CSTPP1: variants seen among roughly 807,000 people sequenced by gnomAD.
The protein encoded by CSTPP1 is centriolar satellite-associated tubulin polyglutamylase complex regulator 1.
chr11:47,009,029 T>TAAA, the CSTPP1 span, among the ~76,000 whole-genome samples: 1 of 136,378 alleles, frequency 7.3e-6, no homozygotes, highest in East Asian at 2.1e-4. Context: ...AGACTCCATC[T>TAAA]AAAAAAAAAA....
the CSTPP1 span, among the ~76,000 whole-genome samples, chr11:46,949,121 G>A: frequency 6.6e-6 from 1 of 151,764 alleles, no homozygotes; most frequent in East Asian, 1.9e-4. Flanking sequence ...AAGGTATTTT[G>A]TAAATAGAAA....
the CSTPP1 span, among the ~76,000 whole-genome samples, chr11:47,145,856 G>A: frequency 7.9e-5 from 12 of 151,980 alleles, no homozygotes; most frequent in African/African-American, 2.4e-4. Flanking sequence ...GGCTGGTCTC[G>A]AACTCCTGGC....
the CSTPP1 span, among the ~76,000 whole-genome samples, chr11:47,037,684 A>G: frequency 1.6e-5 from 2 of 123,682 alleles, 1 homozygote. Flanking sequence ...CACATGTTTC[A>G]GAGAGCACAG....
chr11:47,143,933 C>T, the CSTPP1 span, among the ~76,000 whole-genome samples: 1 of 152,146 alleles, frequency 6.6e-6, no homozygotes, highest in African/African-American at 2.4e-5. Context: ...TTGTCATAAT[C>T]GTTAGAAATG....
the CSTPP1 span, among the ~76,000 whole-genome samples, chr11:47,153,586 T>C: frequency 6.6e-6 from 1 of 152,208 alleles, no homozygotes; most frequent in Non-Finnish European, 1.5e-5. Context: ...AGCCTCAGAC[T>C]CTTCACGTGT....
the CSTPP1 span, among the ~76,000 whole-genome samples, chr11:47,122,069 C>CAAAAAAAAAAAAAAAAAAAAA: frequency 4.5e-5 from 1 of 21,986 alleles, no homozygotes; most frequent in Non-Finnish European, 7.8e-5. Context: ...GACCCTGTCT[C>CAAAAAAAAAAAAAAAAAAAAA]AAAAAAAAAA....
At chr11:47,000,538 G>A in the CSTPP1 span, among the ~76,000 whole-genome samples, 1 of 152,282 alleles carries the variant, frequency 6.6e-6, no homozygotes, top group South Asian at 2.1e-4. Flanking sequence ...GTTTTTTGGT[G>A]AAGTTTTTAT....
the CSTPP1 span, among the ~76,000 whole-genome samples, chr11:47,010,305 G>A: frequency 6.6e-6 from 1 of 152,166 alleles, no homozygotes. Context: ...TCAAAAGAGT[G>A]GGACCAGCTT....
chr11:47,089,029 C>G, the CSTPP1 span, among the ~76,000 whole-genome samples: 9 of 152,018 alleles, frequency 5.9e-5, no homozygotes, highest in Admixed American at 4.6e-4. Flanking sequence ...AATAATGTAT[C>G]AACTTGTCTT....
chr11:46,953,372 T>C, the CSTPP1 span, among the ~76,000 whole-genome samples: 5 of 151,940 alleles, frequency 3.3e-5, no homozygotes, highest in East Asian at 3.9e-4. Context: ...GTTTTTAGGC[T>C]GAAGGGAAAG....
the CSTPP1 span, among the ~76,000 whole-genome samples, chr11:47,016,423 G>A: frequency 7.2e-6 from 1 of 139,480 alleles, no homozygotes; most frequent in Non-Finnish European, 1.6e-5. Flanking sequence ...AAAAAAAAAC[G>A]CTACTAGAAC....
the CSTPP1 span, among the ~76,000 whole-genome samples, chr11:47,153,949 G>GT: frequency 1.2e-3 from 181 of 148,436 alleles, no homozygotes; most frequent in Non-Finnish European, 1.6e-3. Context: ...AACTTTTTTT[G>GT]TTTTTTTTTT....
the CSTPP1 span, among the ~76,000 whole-genome samples, chr11:47,153,789 T>C: frequency 6.6e-6 from 1 of 152,012 alleles, no homozygotes; most frequent in East Asian, 1.9e-4. Flanking sequence ...GCAAAGGGAG[T>C]GGCACCACAA....
At chr11:47,009,902 T>G in the CSTPP1 span, among the ~76,000 whole-genome samples, 3 of 152,156 alleles carry the variant, frequency 2.0e-5, no homozygotes, top group Non-Finnish European at 4.4e-5. Flanking sequence ...TTCTTTCAAT[T>G]TTTAAAATTC....
the CSTPP1 span, among the ~76,000 whole-genome samples, chr11:47,140,271 A>C: frequency 6.6e-6 from 1 of 152,110 alleles, no homozygotes; most frequent in East Asian, 1.9e-4. Flanking sequence ...CTGCTATCCA[A>C]AGGAGATTTG....
the CSTPP1 span, among the ~76,000 whole-genome samples, chr11:47,113,289 C>T: frequency 6.6e-6 from 1 of 152,096 alleles, no homozygotes; most frequent in African/African-American, 2.4e-5. Context: ...TGAATAGTGC[C>T]ACAATAAACA....
the CSTPP1 span, among the ~76,000 whole-genome samples, chr11:46,963,148 TAGA>T: frequency 6.6e-6 from 1 of 152,166 alleles, no homozygotes; most frequent in Non-Finnish European, 1.5e-5. Context: ...GAACCTGCAG[TAGA>T]ATATTGAGTA....
the CSTPP1 span, among the ~76,000 whole-genome samples, chr11:47,149,318 C>T: frequency 1.3e-5 from 2 of 152,304 alleles, no homozygotes; most frequent in South Asian, 2.1e-4. Context: ...CAGGGGCGGC[C>T]GGGCACCTCC....
the CSTPP1 span, among the ~76,000 whole-genome samples, chr11:47,096,430 T>C: frequency 2.6e-5 from 4 of 152,316 alleles, no homozygotes; most frequent in Admixed American, 1.3e-4. Context: ...GTCCCTCATA[T>C]AAGTGAAGAG....
Sources: gnomAD v4.1 joint callset for allele counts (sites outside exome capture counted in the v4.1 genomes callset) on GRCh38, gnomAD v4.1.1 for gene constraint, MANE v1.5 for transcripts, NCBI Gene and HGNC (gene_info 2026-07-23, HGNC 2026-07-21) for gene names.